The following SRCIN1 variants were observed in gnomAD, a reference collection of about 807,000 sequenced individuals.
The protein encoded by SRCIN1 is P130Cas-associated protein.
In SRCIN1, 50 loss-of-function variants were observed where a neutral mutation model predicts 116.2. The ratio of observed to expected loss-of-function variants is 0.43; its 90% CI spans 0.34 to 0.54. SRCIN1 has a LOEUF of 0.54. Among genes scored for constraint, SRCIN1 ranks in the 20% least tolerant of loss-of-function variants. The pLI is 0.02. For missense variants in SRCIN1, 1,446 were observed against 1,672.0 expected (o/e 0.86, Z 2.36); for synonymous variants, 736 against 750.0 (o/e 0.98, Z 0.30).
chr17:38,583,507 A>G (rs1310021118), intron 1 of SRCIN1, among the ~76,000 whole-genome samples: 1 of 151,752 alleles, frequency 6.6e-6, no homozygotes. Flanking sequence ...CTGGCAAGAC[A>G]ATGGTAGAGA....
chr17:38,549,175 G>A lies in SRCIN1; in HGVS notation c.2998C>T (p.Pro1000Ser). The change falls in exon 16 of 19, where the codon CCC becomes TCC. Residue 1000 changes from proline to serine, a missense_variant. This residue lies in a region of SRCIN1 where 531 missense variants were observed against 633.9 expected (regional missense o/e 0.84). Transcript: ENST00000617146. The part of the protein sequence containing the change: ...LTVPRYRTEK[P>S]SKSPPPPPPR... Reference sequence around the variant, plus strand: ...GGGGGCGGTGGGGGCGACTTGGAGGGCTTCTCTGTGCGGTATCGGGGCACG... The same window carrying A: ...GGGGGCGGTGGGGGCGACTTGGAGGACTTCTCTGTGCGGTATCGGGGCACG... 1.3e-6 allele frequency: 2 copies of A among 1,576,222 alleles called. No homozygotes were observed. The highest frequency in any genetic ancestry group is 1.7e-6 in the Non-Finnish European group (2 of 1,164,224).
chr17:38,564,362 TCC>T lies in SRCIN1; in HGVS notation c.346-51_346-50del, dbSNP rs1491151278. On this transcript the variant is annotated intron_variant, in intron 3 of 18. Coordinates refer to ENST00000617146, the MANE Select transcript of SRCIN1 (RefSeq NM_025248.3). ...AGGAACCAAGGATGAGCACCCCCCC[TCC>T]CCTTTGCTTGTCACTGCCCATATCC... 95 of 1,090,200 alleles carry T rather than the reference TCC, an allele frequency of 8.7e-5. 1 individual carries two copies. The highest frequency in any genetic ancestry group is 1.1e-4 in the Non-Finnish European group (90 of 828,510). The allele number at this position is 1,090,200 out of a possible 1,614,324, so 67.5% of individuals were successfully genotyped here.
chr17:38,549,302 C>T, intron 15 of SRCIN1, 92 bp from the exon 16 acceptor site: 1 of 1,297,784 alleles, frequency 7.7e-7, no homozygotes, highest in Middle Eastern at 2.8e-4. Flanking sequence ...CTTGCTTCTT[C>T]CTCCAGGGAG....
At chr17:38,574,480 G>A (rs554606976) in intron 2 of SRCIN1, among the ~76,000 whole-genome samples, 1 of 152,338 alleles carries the variant, frequency 6.6e-6, no homozygotes, top group East Asian at 1.9e-4. Flanking sequence ...ATCTGGGGAA[G>A]GCTGGATCTG....
Position 38,561,974 on chromosome 17 carries a change from C to T in SRCIN1, c.1189G>A (p.Ala397Thr). The T allele has an allele frequency of 1.3e-6, 2 of 1,491,180 alleles. No homozygotes were observed. The highest frequency in any genetic ancestry group is 1.5e-5 in the African/African-American group (1 of 68,512). 92.4% of individuals were successfully genotyped at this position (1,491,180 alleles called of 1,614,324 possible). The change falls in exon 7 of 19, where the codon GCT becomes ACT. Residue 397 changes from alanine (A) to threonine (T), a missense_variant. Physicochemically the swap from Ala to Thr is moderately conservative, Grantham distance 58. Transcript: ENST00000617146. Reference protein sequence around the residue: ...MVLVKGEGLYADPYGLLHEGR... With the variant: ...MVLVKGEGLYTDPYGLLHEGR... ...TCGTGCAGCAGCCCGTAGGGGTCAG[C>T]ATAGAGGCCCTCGCCTTTCACCAGC...
chr17:38,538,674 C>T (rs927366404), intron 18 of SRCIN1, among the ~76,000 whole-genome samples: 5 of 152,068 alleles, frequency 3.3e-5, no homozygotes, highest in Admixed American at 1.3e-4. Flanking sequence ...TTGATCTATT[C>T]GACCTTCATT....
chr17:38,538,439 A>G (rs1904532682), intron 18 of SRCIN1, among the ~76,000 whole-genome samples: 1 of 149,484 alleles, frequency 6.7e-6, no homozygotes, highest in Admixed American at 6.6e-5. Context: ...AAAAATAATA[A>G]TAATAATAAT....
chr17:38,559,971 G>T, intron 9 of SRCIN1, 83 bp downstream of exon 9: 2 of 1,367,062 alleles, frequency 1.5e-6, no homozygotes, highest in Non-Finnish European at 2.0e-6. Flanking sequence ...GGCCAGTGAT[G>T]TAGCTATTGC....
chr17:38,540,144 C>T (rs1904636374), intron 18 of SRCIN1, among the ~76,000 whole-genome samples: 1 of 152,184 alleles, frequency 6.6e-6, no homozygotes, highest in East Asian at 1.9e-4. Flanking sequence ...CTACACAAAG[C>T]CTTGATCCTT....
rs1906339294 is a variant in SRCIN1 at position 38,562,489 on chromosome 17, T to A, written c.835-161A>T. On this transcript the variant is annotated intron_variant, in intron 6 of 18. Transcript: ENST00000617146. The surrounding 1 kb of genome is among the most constrained non-coding windows in gnomAD (Gnocchi z 4.2). ...GTCTAGGGTCCCTTTCCCATCAGGG[T>A]TCCTAGCATGGAGGAAAAGGTGGCC... 6.6e-6 allele frequency among the ~76,000 whole-genome samples: 1 copy of A among 152,084 alleles called. No homozygotes were observed. Among genetic ancestry groups the A allele is most frequent in the Admixed American group, 6.5e-5 (1 of 15,270 alleles).
Position 38,563,017 on chromosome 17 carries a change from G to T in SRCIN1, c.741-97C>A. ...CAGGCCTAGAGAAGAGGGGTGGCCA[G>T]AGGCACCGGGAGCCCCATCTCAGGC... On this transcript the variant is annotated intron_variant, in intron 5 of 18. Coordinates refer to ENST00000617146, the MANE Select transcript of SRCIN1 (RefSeq NM_025248.3). This position sits in a 1 kb window ranked among gnomAD's most constrained non-coding sequence, Gnocchi z 5.8. The T allele has an allele frequency of 9.7e-7, 1 of 1,033,326 alleles. No individual in the cohort carries two copies. The allele number at this position is 1,033,326 out of a possible 1,614,324, so 64.0% of individuals were successfully genotyped here.
In SRCIN1 at chr17:38,563,048, G is replaced by A; in HGVS notation, c.741-128C>T. 2.4e-6 allele frequency: 2 copies of A among 850,870 alleles called. No homozygotes were observed. The allele number at this position is 850,870 out of a possible 1,614,324, so 52.7% of individuals were successfully genotyped here. A position where few individuals can be genotyped will look rare whatever the true frequency, so the allele number is the denominator to read the frequency against. ...CCGGGAGCCCCATCTCAGGCTGCCT[G>A]CACACACGCCCAGCAGCCTCCACCC... On this transcript the variant is annotated intron_variant, in intron 5 of 18. Transcript: ENST00000617146. This position sits in a 1 kb window ranked among gnomAD's most constrained non-coding sequence, Gnocchi z 5.8.
Position 38,548,660 on chromosome 17 carries a change from C to A in SRCIN1, c.3167G>T (p.Arg1056Leu), listed in dbSNP as rs368418542. Residue 1056 changes from arginine (R) to leucine (L), a missense_variant, in exon 17 of 19, where the codon CGC (arginine) becomes CTC (leucine). By Grantham distance (102) the Arg-to-Leu change is moderately radical. This residue lies in a region of SRCIN1 where 531 missense variants were observed against 633.9 expected (regional missense o/e 0.84). Coordinates refer to ENST00000617146, the MANE Select transcript of SRCIN1 (RefSeq NM_025248.3). ...GCGGGCCACCTCAGACACAGCCCGG[C>A]GCAGCTTCACCTGGGGCTTCTGCAC... ...LEVQKPQVKL[R>L]RAVSEVARPA... The A allele has an allele frequency of 6.8e-6, 11 of 1,612,042 alleles. No homozygotes were observed. The highest frequency in any genetic ancestry group is 1.7e-5 in the Admixed American group (1 of 59,902).
intron 18 of SRCIN1, among the ~76,000 whole-genome samples, chr17:38,540,421 G>A (rs527691165): frequency 1.1e-3 from 94 of 86,046 alleles, no homozygotes; most frequent in African/African-American, 4.0e-3. Context: ...CACCCCCGCC[G>A]GCCACCGTAG....
intron 18 of SRCIN1, among the ~76,000 whole-genome samples, chr17:38,535,696 C>T (rs1368139284): frequency 6.6e-6 from 1 of 152,170 alleles, no homozygotes; most frequent in East Asian, 1.9e-4. Context: ...ACCAGAGGCT[C>T]TCTGACCACT....
chr17:38,591,953 T>C (rs970932122), intron 1 of SRCIN1, among the ~76,000 whole-genome samples: 17 of 152,246 alleles, frequency 1.1e-4, no homozygotes, highest in African/African-American at 4.1e-4. Context: ...AGGCCCAGGA[T>C]GCCCCTGTCT....
intron 15 of SRCIN1, among the ~76,000 whole-genome samples, chr17:38,550,539 A>T (rs1297726206): frequency 6.6e-6 from 1 of 152,144 alleles, no homozygotes; most frequent in Non-Finnish European, 1.5e-5. Context: ...TATAAGGATG[A>T]CTACAGTAAA....
intron 1 of SRCIN1, among the ~76,000 whole-genome samples, chr17:38,580,422 C>A (rs1416738912): frequency 6.6e-6 from 1 of 152,126 alleles, no homozygotes; most frequent in Non-Finnish European, 1.5e-5. Flanking sequence ...ATGAGAGCCG[C>A]AGCTCACCAG....
chr17:38,598,704 C>T lies in SRCIN1; in HGVS notation c.22+6980G>A, dbSNP rs183756188. Among the ~76,000 whole-genome samples, 333 of 152,320 alleles carry T rather than the reference C, an allele frequency of 2.2e-3. 4 individuals carry two copies. Among genetic ancestry groups the T allele is most frequent in the African/African-American group, 7.8e-3 (325 of 41,564 alleles). On this transcript the variant is annotated intron_variant, in intron 1 of 18. Coordinates refer to ENST00000617146, the MANE Select transcript of SRCIN1 (RefSeq NM_025248.3). ...ACTCCACATCAGGACATGCAGGCAA[C>T]CGAGGCAGGTGGCCTGGGCTACCAG...
Sources: gnomAD v4.1 joint callset for allele counts (sites outside exome capture counted in the v4.1 genomes callset) on GRCh38, gnomAD v4.1.1 for gene constraint, gnomAD v4.1.1 regional missense constraint, Gnocchi (gnomAD v3.1) non-coding constraint, MANE v1.5 for transcripts, NCBI Gene and HGNC (gene_info 2026-07-23, HGNC 2026-07-21) for gene names.